NKAIN2: variants seen among roughly 807,000 people sequenced by gnomAD.
The protein encoded by NKAIN2 is sodium/potassium-transporting ATPase subunit beta-1-interacting protein 2.
A neutral mutation model predicts 32.6 loss-of-function variants in NKAIN2; 14 were observed. The observed-to-expected ratio is 0.43, with a 90% CI of 0.28 to 0.67. The LOEUF (loss-of-function observed/expected upper bound fraction) is 0.67. Among genes scored for constraint, NKAIN2 ranks in the 30% least tolerant of loss-of-function variants. NKAIN2 has a pLI of 0.17. For missense variants in NKAIN2, 198 were observed against 258.3 expected (o/e 0.77, Z 1.60); for synonymous variants, 80 against 87.2 (o/e 0.92, Z 0.46).
At chr6:124,807,863 CAAAT>C (rs979958090) in intron 5 of NKAIN2, among the ~76,000 whole-genome samples, 13 of 150,878 alleles carry the variant, frequency 8.6e-5, no homozygotes, top group African/African-American at 3.1e-4. Flanking sequence ...CACCTGTACA[CAAAT>C]AAACTAGAAA....
chr6:124,224,792 C>T (rs529291947), intron 1 of NKAIN2, among the ~76,000 whole-genome samples: 14 of 152,050 alleles, frequency 9.2e-5, no homozygotes, highest in African/African-American at 2.7e-4. Context: ...TTCTAAAATT[C>T]CACAGACCTT....
intron 3 of NKAIN2, among the ~76,000 whole-genome samples, chr6:124,491,908 C>T (rs1361374213): frequency 6.6e-6 from 1 of 151,814 alleles, no homozygotes; most frequent in Non-Finnish European, 1.5e-5. Flanking sequence ...TAGGGATATG[C>T]CCACCTTTGT....
chr6:124,630,366 A>G lies in NKAIN2; in HGVS notation c.274-27820A>G, dbSNP rs1252160354. On this transcript the variant is annotated intron_variant, in intron 3 of 6. Transcript: ENST00000368417. ...TAAGATTCTTCAGAGCTTTGGCACT[A>G]AGACCAAATTCATCGTATTAAAGGT... Among the ~76,000 whole-genome samples, 3 of 152,200 alleles carry G rather than the reference A, an allele frequency of 2.0e-5. No individual in the cohort carries two copies. In the East Asian group the frequency reaches 5.8e-4, roughly 29 times the overall value.
intron 1 of NKAIN2, among the ~76,000 whole-genome samples, chr6:124,264,792 C>A (rs984114390): frequency 3.3e-5 from 5 of 152,092 alleles, no homozygotes; most frequent in Admixed American, 3.3e-4. Flanking sequence ...TTTTTAAAAT[C>A]TATATCTCAT....
chr6:124,187,444 G>A (rs59904476), intron 1 of NKAIN2, among the ~76,000 whole-genome samples: 5,651 of 152,084 alleles, frequency 0.037, 345 homozygotes, highest in African/African-American at 0.13. Flanking sequence ...GTTTATTGCA[G>A]CCACCCATAG....
At chr6:124,028,789 A>G (rs1043326195) in intron 1 of NKAIN2, among the ~76,000 whole-genome samples, 2 of 148,062 alleles carry the variant, frequency 1.4e-5, no homozygotes, top group African/African-American at 4.9e-5. Context: ...ATATACGCAT[A>G]TACGTGTATA....
At chr6:124,247,024 C>A (rs998413304) in intron 1 of NKAIN2, among the ~76,000 whole-genome samples, 1 of 151,970 alleles carries the variant, frequency 6.6e-6, no homozygotes, top group African/African-American at 2.4e-5. Context: ...GGTCTTTGCA[C>A]ATAATTTCTA....
At chr6:123,958,644 T>C (rs1300753773) in intron 1 of NKAIN2, among the ~76,000 whole-genome samples, 2 of 152,202 alleles carry the variant, frequency 1.3e-5, no homozygotes, top group Non-Finnish European at 2.9e-5. Flanking sequence ...TTTCAACATA[T>C]GAATTTTGGA....
chr6:124,223,685 T>C (rs1167448604), intron 1 of NKAIN2, among the ~76,000 whole-genome samples: 1 of 152,212 alleles, frequency 6.6e-6, no homozygotes, highest in East Asian at 1.9e-4. Flanking sequence ...TCTTGATTTG[T>C]TTATTTTGTC....
intron 1 of NKAIN2, among the ~76,000 whole-genome samples, chr6:124,181,213 C>G (rs1422749611): frequency 6.6e-6 from 1 of 152,140 alleles, no homozygotes; most frequent in Non-Finnish European, 1.5e-5. Flanking sequence ...TTAGCAATGG[C>G]TGGGATGCAG....
intron 1 of NKAIN2, among the ~76,000 whole-genome samples, chr6:124,056,541 G>A (rs1166896716): frequency 6.6e-6 from 1 of 151,838 alleles, no homozygotes; most frequent in Non-Finnish European, 1.5e-5. Context: ...GCATAACACA[G>A]ACTCTCTAAA....
intron 1 of NKAIN2, among the ~76,000 whole-genome samples, chr6:124,104,708 A>G (rs1394146581): frequency 6.6e-6 from 1 of 152,238 alleles, no homozygotes; most frequent in African/African-American, 2.4e-5. Context: ...CATACTAATG[A>G]TCATTCTGAG....
chr6:124,520,829 T>C (rs761126775), intron 3 of NKAIN2, among the ~76,000 whole-genome samples: 2 of 152,240 alleles, frequency 1.3e-5, no homozygotes, highest in Admixed American at 6.5e-5. Flanking sequence ...TGACTATATA[T>C]GCCCTTTGTT....
intron 3 of NKAIN2, among the ~76,000 whole-genome samples, chr6:124,619,555 G>C (rs1783033331): frequency 6.6e-6 from 1 of 152,118 alleles, no homozygotes; most frequent in Non-Finnish European, 1.5e-5. Context: ...TTTGTGCTCA[G>C]AAACTAGAAT....
intron 1 of NKAIN2, among the ~76,000 whole-genome samples, chr6:123,933,414 A>G (rs1186800809): frequency 6.6e-6 from 1 of 152,148 alleles, no homozygotes; most frequent in Non-Finnish European, 1.5e-5. Context: ...GTACATATAT[A>G]TTTCTCTCTT....
chr6:123,837,487 T>G (rs1008722095), intron 1 of NKAIN2, among the ~76,000 whole-genome samples: 1 of 152,162 alleles, frequency 6.6e-6, no homozygotes, highest in South Asian at 2.1e-4. Flanking sequence ...CTTTAAAATA[T>G]ATCCAGAATC....
intron 1 of NKAIN2, among the ~76,000 whole-genome samples, chr6:123,983,338 C>A (rs1029469634): frequency 6.6e-6 from 1 of 152,100 alleles, no homozygotes; most frequent in Admixed American, 6.5e-5. Context: ...AAGACTCGGT[C>A]AGATGGCCTT....
intron 4 of NKAIN2, among the ~76,000 whole-genome samples, chr6:124,774,211 T>C (rs948055778): frequency 2.0e-5 from 3 of 152,096 alleles, no homozygotes; most frequent in Non-Finnish European, 2.9e-5. Context: ...GTGATCTAGG[T>C]GAAAGAAATG....
intron 1 of NKAIN2, among the ~76,000 whole-genome samples, chr6:124,181,885 TG>T (rs1385529454): frequency 2.6e-5 from 4 of 152,168 alleles, no homozygotes; most frequent in Non-Finnish European, 5.9e-5. Flanking sequence ...CCCTTCAAAC[TG>T]TTCCAACCTC....
Sources: gnomAD v4.1 joint callset for allele counts (sites outside exome capture counted in the v4.1 genomes callset) on GRCh38, gnomAD v4.1.1 for gene constraint, MANE v1.5 for transcripts, NCBI Gene and HGNC (gene_info 2026-07-23, HGNC 2026-07-21) for gene names.